The following ATP8A2 variants were observed in gnomAD, a reference collection of about 807,000 sequenced individuals.
ATP8A2 encodes the protein ATPase phospholipid transporting 8A2.
Under a neutral mutation model 165.6 loss-of-function variants are expected in ATP8A2, and 100 were observed. That is an observed-to-expected ratio of 0.60 (90% confidence interval 0.51 to 0.71). The LOEUF (loss-of-function observed/expected upper bound fraction) is 0.71, where lower values mean the gene tolerates loss of function less well. ATP8A2 is among the 30% of genes least tolerant of loss of function. The probability of loss-of-function intolerance (pLI) is 0.00; values close to 1 mark genes in which losing one functional copy is unlikely to be tolerated. For synonymous variants in ATP8A2, 543 were observed against 548.8 expected (o/e 0.99, Z 0.15); for missense variants, 1,227 against 1,479.5 (o/e 0.83, Z 2.80).
intron 2 of ATP8A2, among the ~76,000 whole-genome samples, chr13:25,499,945 G>T (rs1469440179): frequency 6.6e-6 from 1 of 152,140 alleles, no homozygotes; most frequent in Admixed American, 6.5e-5. Context: ...AAGATACCAG[G>T]CAGAGAAGAC....
intron 30 of ATP8A2, among the ~76,000 whole-genome samples, chr13:25,859,717 A>C (rs556476960): frequency 6.6e-6 from 1 of 152,206 alleles, no homozygotes; most frequent in Non-Finnish European, 1.5e-5. Flanking sequence ...AAATACCCCC[A>C]AAATTCTTTC....
chr13:25,454,606 A>G (rs2035313813), intron 1 of ATP8A2, among the ~76,000 whole-genome samples: 1 of 152,152 alleles, frequency 6.6e-6, no homozygotes, highest in Admixed American at 6.5e-5. Flanking sequence ...GGCAGTGTAG[A>G]GCCAGTGGCA....
At chr13:25,877,732 A>G (rs974573110) in intron 33 of ATP8A2, among the ~76,000 whole-genome samples, 3 of 152,202 alleles carry the variant, frequency 2.0e-5, no homozygotes, top group South Asian at 2.1e-4. Flanking sequence ...ATTTTTGCCT[A>G]GAGACTCCTC....
rs768446279 is a variant in ATP8A2, at chr13:25,774,979, T to C, written c.2679+20T>C. On this transcript the variant is annotated intron_variant, in intron 27 of 36. Coordinates refer to ENST00000381655, the MANE Select transcript of ATP8A2 (RefSeq NM_016529.6). ...ATTGAGGTAAGAAGGGGTATTTTTT[T>C]TCCTTGAAGAGAAAGTTCTTTTAAG... 50 of 1,384,176 alleles carry C rather than the reference T, an allele frequency of 3.6e-5. No homozygotes were observed. In the East Asian group the frequency reaches 1.2e-3, roughly 32 times the overall value. 85.7% of individuals were successfully genotyped at this position (1,384,176 alleles called of 1,614,324 possible). A position where few individuals can be genotyped will look rare whatever the true frequency, so the allele number is the denominator to read the frequency against.
At chr13:25,648,407 A>G (rs750363365) in intron 24 of ATP8A2, among the ~76,000 whole-genome samples, 14 of 152,228 alleles carry the variant, frequency 9.2e-5, no homozygotes, top group Admixed American at 5.2e-4. Flanking sequence ...GACTCACGCC[A>G]GTAATTCTAG....
chr13:25,825,463 T>G (rs1951291307), intron 27 of ATP8A2, among the ~76,000 whole-genome samples: 1 of 152,108 alleles, frequency 6.6e-6, no homozygotes, highest in African/African-American at 2.4e-5. Context: ...CCAGGCTCTT[T>G]TCTATTTTTA....
intron 33 of ATP8A2, among the ~76,000 whole-genome samples, chr13:25,881,340 T>C (rs1372670855): frequency 6.6e-6 from 1 of 152,198 alleles, no homozygotes; most frequent in Non-Finnish European, 1.5e-5. Context: ...GTCTGCCCAA[T>C]GCAATAAACA....
intron 24 of ATP8A2, among the ~76,000 whole-genome samples, chr13:25,683,060 A>G (rs2042527353): frequency 1.3e-5 from 2 of 152,356 alleles, no homozygotes; most frequent in Middle Eastern, 3.4e-3. Context: ...TTGGATCTCT[A>G]AGTATTGCAT....
intron 25 of ATP8A2, among the ~76,000 whole-genome samples, chr13:25,731,092 G>A (rs2043613490): frequency 6.9e-6 from 1 of 144,948 alleles, no homozygotes; most frequent in African/African-American, 2.6e-5. Flanking sequence ...AAAGAAAGGA[G>A]AAAGAAAGAG....
intron 7 of ATP8A2, among the ~76,000 whole-genome samples, chr13:25,539,560 G>A (rs950540286): frequency 2.0e-5 from 3 of 152,068 alleles, no homozygotes; most frequent in Non-Finnish European, 4.4e-5. Context: ...CAATAACCCT[G>A]GATAGCCTTC....
chr13:25,576,080 T>C (rs1456685986), intron 19 of ATP8A2, among the ~76,000 whole-genome samples: 1 of 152,186 alleles, frequency 6.6e-6, no homozygotes. Context: ...GCGAAGTACT[T>C]GCTTTACACA....
intron 2 of ATP8A2, among the ~76,000 whole-genome samples, chr13:25,486,957 C>A (rs558577802): frequency 2.6e-5 from 4 of 152,202 alleles, no homozygotes; most frequent in Admixed American, 1.3e-4. Context: ...CGGAGGAAAA[C>A]CCTGTCTCAA....
At chr13:25,690,961 G>A (rs140181593) in intron 24 of ATP8A2, among the ~76,000 whole-genome samples, 1 of 152,202 alleles carries the variant, frequency 6.6e-6, no homozygotes, top group African/African-American at 2.4e-5. Context: ...CCAATAATAG[G>A]TGAACACCTA....
intron 6 of ATP8A2, among the ~76,000 whole-genome samples, chr13:25,533,906 G>C (rs940106682): frequency 1.3e-5 from 2 of 152,038 alleles, no homozygotes; most frequent in Non-Finnish European, 2.9e-5. Flanking sequence ...CATAAAATTA[G>C]CTTTTTAAAT....
At chr13:25,771,658 A>T (rs1204810275) in intron 26 of ATP8A2, among the ~76,000 whole-genome samples, 1 of 152,198 alleles carries the variant, frequency 6.6e-6, no homozygotes, top group East Asian at 1.9e-4. Context: ...CCCCTCCAGC[A>T]TCATAGTCAC....
chr13:25,399,040 A>C (rs1252031111), intron 1 of ATP8A2, among the ~76,000 whole-genome samples: 1 of 152,208 alleles, frequency 6.6e-6, no homozygotes, highest in Non-Finnish European at 1.5e-5. Context: ...AGTGATCACG[A>C]AATGCCAATC....
chr13:25,375,583 T>G (rs1236075179), intron 1 of ATP8A2, among the ~76,000 whole-genome samples: 1 of 108,908 alleles, frequency 9.2e-6, no homozygotes, highest in Non-Finnish European at 1.7e-5. Flanking sequence ...ACTACAAATA[T>G]TCTTTTTTTT....
At chr13:25,789,288 A>G (rs932100025) in intron 27 of ATP8A2, among the ~76,000 whole-genome samples, 3 of 152,216 alleles carry the variant, frequency 2.0e-5, no homozygotes, top group Admixed American at 2.0e-4. Context: ...CTTGTTTCGA[A>G]TTTTGTAAAA....
chr13:25,672,603 T>C (rs1402261683), intron 24 of ATP8A2, among the ~76,000 whole-genome samples: 1 of 152,210 alleles, frequency 6.6e-6, no homozygotes, highest in African/African-American at 2.4e-5. Flanking sequence ...AATCTTCTCA[T>C]TCTGGCTGCT....
Sources: gnomAD v4.1 joint callset for allele counts (sites outside exome capture counted in the v4.1 genomes callset) on GRCh38, gnomAD v4.1.1 for gene constraint, MANE v1.5 for transcripts, NCBI Gene and HGNC (gene_info 2026-07-23, HGNC 2026-07-21) for gene names.